TAF2: variants seen among roughly 807,000 people sequenced by gnomAD.
TAF2 encodes transcription initiation factor TFIID subunit 2.
In TAF2, 61 loss-of-function variants were observed where a neutral mutation model predicts 138.5. The ratio of observed to expected loss-of-function variants is 0.44; its 90% confidence interval spans 0.36 to 0.54. The LOEUF (loss-of-function observed/expected upper bound fraction) is 0.54, where lower values mean the gene tolerates loss of function less well. Ranked by LOEUF, TAF2 falls within the 20% of genes least tolerant of loss-of-function variation. TAF2 has a pLI of 0.00. For missense variants in TAF2, 1,090 were observed against 1,427.9 expected (o/e 0.76, Z 3.81); for synonymous variants, 475 against 469.9 (o/e 1.01, Z -0.14).
chr8:119,797,327 C>G (rs1014670521), intron 7 of TAF2, among the ~76,000 whole-genome samples: 61 of 151,994 alleles, frequency 4.0e-4, no homozygotes, highest in African/African-American at 1.4e-3. Context: ...CTGACAATAT[C>G]AGTACATTTT....
At chr8:119,774,491 ATTT>A (rs11341545) in intron 18 of TAF2, among the ~76,000 whole-genome samples, 46 of 147,846 alleles carry the variant, frequency 3.1e-4, no homozygotes, top group East Asian at 3.0e-3. Flanking sequence ...TTTTTTTGCA[ATTT>A]TTTTTTTTTT....
intron 22 of TAF2, among the ~76,000 whole-genome samples, chr8:119,747,330 T>C (rs940490213): frequency 4.6e-5 from 7 of 152,172 alleles, no homozygotes; most frequent in East Asian, 3.9e-4. Flanking sequence ...ACAACTACTA[T>C]TGGACTTATT....
intron 18 of TAF2, among the ~76,000 whole-genome samples, chr8:119,765,744 T>TG (rs1233528237): frequency 1.3e-5 from 2 of 152,268 alleles, no homozygotes; most frequent in East Asian, 3.9e-4. Context: ...GGAAAGGTAT[T>TG]GGGATATTGA....
intron 18 of TAF2, among the ~76,000 whole-genome samples, chr8:119,771,405 T>G (rs938150667): frequency 6.6e-6 from 1 of 151,962 alleles, no homozygotes; most frequent in African/African-American, 2.4e-5. Context: ...CTGGCTAATT[T>G]TTGTATTTTC....
At chr8:119,829,103 A>C (rs576654522) in intron 2 of TAF2, among the ~76,000 whole-genome samples, 1 of 152,182 alleles carries the variant, frequency 6.6e-6, no homozygotes, top group Non-Finnish European at 1.5e-5. Flanking sequence ...GTTGGGGTTA[A>C]AAAGGTAGAC....
At chr8:119,798,745 G>C (rs2131196189) in intron 6 of TAF2, among the ~76,000 whole-genome samples, 1 of 152,014 alleles carries the variant, frequency 6.6e-6, no homozygotes, top group Non-Finnish European at 1.5e-5. Context: ...TAAAGGCAAG[G>C]GAAATTTTTA....
At chr8:119,829,752 G>C (rs1826323753) in intron 2 of TAF2, among the ~76,000 whole-genome samples, 1 of 151,922 alleles carries the variant, frequency 6.6e-6, no homozygotes, top group Admixed American at 6.6e-5. Flanking sequence ...GGGAATGAAA[G>C]ACGTAAAAAG....
At chr8:119,800,628 T>C (rs1824189538) in intron 6 of TAF2, among the ~76,000 whole-genome samples, 1 of 152,206 alleles carries the variant, frequency 6.6e-6, no homozygotes, top group Admixed American at 6.5e-5. Flanking sequence ...GCTAATCTTA[T>C]CAGTGGATAA....
chr8:119,742,228 T>G (rs1819643019), intron 25 of TAF2, among the ~76,000 whole-genome samples: 1 of 152,230 alleles, frequency 6.6e-6, no homozygotes, highest in Non-Finnish European at 1.5e-5. Context: ...AGCAAAATGT[T>G]CATTATAATT....
At chr8:119,755,023 C>G (rs1820601286) in intron 22 of TAF2, among the ~76,000 whole-genome samples, 1 of 152,208 alleles carries the variant, frequency 6.6e-6, no homozygotes. Flanking sequence ...CTGTGTTTTA[C>G]AGACACTCAT....
chr8:119,804,643 T>C (rs1158218316), intron 4 of TAF2, among the ~76,000 whole-genome samples: 1 of 152,210 alleles, frequency 6.6e-6, no homozygotes, highest in Non-Finnish European at 1.5e-5. Context: ...GCCAAGATTG[T>C]GAGGTCTCCC....
intron 2 of TAF2, among the ~76,000 whole-genome samples, chr8:119,827,734 A>ATT (rs58428759): frequency 1.4e-4 from 20 of 144,126 alleles, no homozygotes; most frequent in South Asian, 4.5e-4. Context: ...CATGGAAGGA[A>ATT]TTTTTTTTTT....
At chr8:119,821,902 G>C (rs979570654) in intron 2 of TAF2, among the ~76,000 whole-genome samples, 1 of 152,036 alleles carries the variant, frequency 6.6e-6, no homozygotes, top group Non-Finnish European at 1.5e-5. Flanking sequence ...AGCCAGGCAT[G>C]GTGGCTGTAG....
intron 1 of TAF2, 127 bp from the exon 2 acceptor site, chr8:119,831,858 C>A: frequency 1.6e-6 from 1 of 635,396 alleles, no homozygotes; most frequent in South Asian, 2.6e-5. Flanking sequence ...GTCAATATTT[C>A]ATTTTAAAAC....
In TAF2 at chr8:119,832,721, C is replaced by T. The variant is rs1004278363; in HGVS notation, c.-157G>A. The T allele has an allele frequency of 3.3e-6, 2 of 600,470 alleles. No individual in the cohort carries two copies. The highest frequency in any genetic ancestry group is 5.7e-6 in the Non-Finnish European group (2 of 353,362). 37.2% of individuals were successfully genotyped at this position (600,470 alleles called of 1,614,324 possible). ...GAGCGACCTGACGGGTCGCTGCCCG[C>T]CTCAACCTCGCTCCTTCGACTAGCT... On this transcript the variant is annotated 5_prime_UTR_variant, in exon 1 of 26. Coordinates refer to ENST00000378164, the MANE Select transcript of TAF2 (RefSeq NM_003184.4).
In TAF2 at chr8:119,748,092, C is replaced by G. The variant is rs540685505; in HGVS notation, c.2879-1158G>C. 3.3e-5 allele frequency among the ~76,000 whole-genome samples: 5 copies of G among 151,042 alleles called. No homozygotes were observed. In the East Asian group the frequency reaches 9.8e-4, roughly 30 times the overall value. ...TGAGCCAAGATTGCACCACTGCACT[C>G]GAACCTGGGCAACAGAGTGAGGCCT... On this transcript the variant is annotated intron_variant, in intron 22 of 25. Coordinates refer to ENST00000378164, the MANE Select transcript of TAF2 (RefSeq NM_003184.4).
chr8:119,734,363 T>C (rs1819079584), intron 25 of TAF2, among the ~76,000 whole-genome samples: 1 of 152,140 alleles, frequency 6.6e-6, no homozygotes, highest in Non-Finnish European at 1.5e-5. Context: ...AAAAAGTAAA[T>C]TTCTCATCAC....
intron 2 of TAF2, among the ~76,000 whole-genome samples, chr8:119,827,261 A>G (rs1274364232): frequency 6.6e-6 from 1 of 152,096 alleles, no homozygotes; most frequent in Non-Finnish European, 1.5e-5. Flanking sequence ...TTCTTCAGAT[A>G]TTTCTCCCTG....
intron 18 of TAF2, among the ~76,000 whole-genome samples, chr8:119,769,762 G>GTTT (rs528695417): frequency 7.2e-6 from 1 of 138,842 alleles, no homozygotes; most frequent in African/African-American, 2.6e-5. Context: ...AGTCAGAACT[G>GTTT]TTTTTTTTTT....
Sources: gnomAD v4.1 joint callset for allele counts (sites outside exome capture counted in the v4.1 genomes callset) on GRCh38, gnomAD v4.1.1 for gene constraint, MANE v1.5 for transcripts, NCBI Gene and HGNC (gene_info 2026-07-23, HGNC 2026-07-21) for gene names.